Variants in SLC7A11 observed in about 807,000 individuals in gnomAD.
SLC7A11 encodes cystine/glutamate transporter.
SLC7A11 carries 35 observed loss-of-function variants against 54.5 expected under a neutral mutation model. The ratio of observed to expected loss-of-function variants is 0.64; its 90% CI spans 0.49 to 0.85. The LOEUF (loss-of-function observed/expected upper bound fraction) is 0.85, where lower values mean the gene tolerates loss of function less well. Among genes scored for constraint, SLC7A11 ranks in the 40% least tolerant of loss-of-function variants. The pLI, the probability that SLC7A11 is intolerant of heterozygous loss-of-function variation, is 0.00. For missense variants in SLC7A11, 583 were observed against 618.1 expected (o/e 0.94, Z 0.60); for synonymous variants, 230 against 225.2 (o/e 1.02, Z -0.19).
At chr4:138,236,285 T>C (rs1323135802) in intron 2 of SLC7A11, 40 bp downstream of exon 2, 3 of 1,548,270 alleles carry the variant, frequency 1.9e-6, no homozygotes, top group South Asian at 1.2e-5. Flanking sequence ...TAAGAATGAA[T>C]TGGTTTATTT....
intron 2 of SLC7A11, among the ~76,000 whole-genome samples, chr4:138,235,021 C>A (rs1401443197): frequency 6.6e-6 from 1 of 152,120 alleles, no homozygotes; most frequent in Non-Finnish European, 1.5e-5. Flanking sequence ...AAGATCTTAT[C>A]TTTGTATGCT....
intron 10 of SLC7A11, among the ~76,000 whole-genome samples, chr4:138,180,356 T>C (rs969165018): frequency 6.6e-6 from 1 of 152,144 alleles, no homozygotes; most frequent in African/African-American, 2.4e-5. Flanking sequence ...TATCAGGTCA[T>C]TGAACACATT....
chr4:138,210,549 C>T (rs1396068542), intron 6 of SLC7A11, among the ~76,000 whole-genome samples: 5 of 151,748 alleles, frequency 3.3e-5, no homozygotes, highest in Non-Finnish European at 7.4e-5. Flanking sequence ...ATTCAACAAG[C>T]AAAAACCAAA....
chr4:138,184,011 C>T (rs1202221761), intron 7 of SLC7A11, among the ~76,000 whole-genome samples: 4 of 152,094 alleles, frequency 2.6e-5, no homozygotes, highest in Admixed American at 2.0e-4. Context: ...ATGATATGTG[C>T]GATATTGCAA....
At chr4:138,212,054 CAT>C (rs1407757771) in intron 6 of SLC7A11, among the ~76,000 whole-genome samples, 6 of 151,906 alleles carry the variant, frequency 3.9e-5, no homozygotes, top group African/African-American at 1.2e-4. Flanking sequence ...AAAAAAGATA[CAT>C]GTTTGAGGTG....
intron 1 of SLC7A11, among the ~76,000 whole-genome samples, chr4:138,236,981 T>G (rs922358232): frequency 1.0e-4 from 10 of 100,242 alleles, no homozygotes; most frequent in Admixed American, 4.2e-4. Flanking sequence ...CTTGCAAGAT[T>G]TCTTTTTTTT....
chr4:138,241,474 C>T (rs796519399), intron 1 of SLC7A11, among the ~76,000 whole-genome samples: 14 of 152,136 alleles, frequency 9.2e-5, no homozygotes, highest in African/African-American at 3.1e-4. Flanking sequence ...TACAACTGCC[C>T]GGCACAGAAA....
At chr4:138,177,113 A>G (rs900752641) in intron 11 of SLC7A11, 4 of 152,150 alleles carry the variant, frequency 2.6e-5, no homozygotes, top group African/African-American at 7.2e-5. Flanking sequence ...ATGCTAATAA[A>G]AGGTATTAAT....
chr4:138,224,281 T>C (rs1737887250), intron 3 of SLC7A11, among the ~76,000 whole-genome samples: 1 of 152,130 alleles, frequency 6.6e-6, no homozygotes, highest in Admixed American at 6.5e-5. Context: ...AGACAGTGGT[T>C]TTCAACTTTA....
At position 138,170,228 on chromosome 4, in the gene SLC7A11, T is replaced by TAA. The variant is rs1272291697; in HGVS notation, c.*1726_*1727dup. 3 of 123,274 alleles carry TAA rather than the reference T, an allele frequency of 2.4e-5. No individual in the cohort carries two copies. Among genetic ancestry groups the TAA allele is most frequent in the Non-Finnish European group, 5.0e-5 (3 of 59,722 alleles). 7.6% of individuals were successfully genotyped at this position (123,274 alleles called of 1,614,324 possible). On this transcript the variant is annotated 3_prime_UTR_variant, in exon 12 of 12. Coordinates refer to ENST00000280612, the MANE Select transcript of SLC7A11 (RefSeq NM_014331.4). Reference sequence around the variant, plus strand: ...CACTATATATATATATATATATATATAAAAAGTGTGTGTGTGTGTGTGTAT... The same window carrying TAA: ...CACTATATATATATATATATATATATAAAAAAAGTGTGTGTGTGTGTGTGTAT...
chr4:138,172,122 T>C, intron 11 of SLC7A11, 105 bp from the exon 12 acceptor site: 2 of 1,155,066 alleles, frequency 1.7e-6, no homozygotes, highest in South Asian at 1.7e-5. Flanking sequence ...CACACAACTG[T>C]CTACTTCATA....
At chr4:138,194,350 T>C (rs954865236) in intron 6 of SLC7A11, among the ~76,000 whole-genome samples, 1 of 152,194 alleles carries the variant, frequency 6.6e-6, no homozygotes, top group Non-Finnish European at 1.5e-5. Flanking sequence ...TGATCTTTTA[T>C]CTTTCAGCTC....
At position 138,179,225 on chromosome 4, in the gene SLC7A11, A is replaced by T. The variant is rs1489163390; in HGVS notation, c.1436T>A (p.Ile479Lys). ...GTATTTAAAATTCTTACCCGACATT[A>T]TTCTAAACCACCTGGGTTTCTTGTC... The part of the protein sequence containing the change: ...IWDKKPRWFR[I>K]MSEKITRTLQ... The change falls in exon 11 of 12, where the codon ATA becomes AAA. Residue 479 changes from isoleucine (I) to lysine (K), a missense_variant. Transcript: ENST00000280612. 1.2e-6 allele frequency: 2 copies of T among 1,605,528 alleles called. No homozygotes were observed. Among genetic ancestry groups the T allele is most frequent in the Non-Finnish European group, 1.7e-6 (2 of 1,172,786 alleles).
At chr4:138,192,428 C>G (rs545700277) in intron 6 of SLC7A11, among the ~76,000 whole-genome samples, 10 of 152,216 alleles carry the variant, frequency 6.6e-5, no homozygotes, top group African/African-American at 2.4e-4. Flanking sequence ...AACGTGAAAG[C>G]CTACTGGTGG....
At chr4:138,240,758 G>C (rs1458096490) in intron 1 of SLC7A11, among the ~76,000 whole-genome samples, 1 of 152,092 alleles carries the variant, frequency 6.6e-6, no homozygotes, top group Non-Finnish European at 1.5e-5. Flanking sequence ...AAGACAAAGA[G>C]CAACTTTAAA....
At position 138,167,452 on chromosome 4, in the gene SLC7A11, T is replaced by A. The variant is rs1736298101; in HGVS notation, c.*4504A>T. ...CAGGCATGAGCCACCGTGCCGGACC[T>A]ATTTAAAAATCTTTTTGAAGTACAG... is the stretch of plus-strand genomic sequence containing the variant. On this transcript the variant is annotated 3_prime_UTR_variant, in exon 12 of 12. Transcript: ENST00000280612. 6.6e-6 allele frequency: 1 copy of A among 152,140 alleles called. No individual in the cohort carries two copies. Among genetic ancestry groups the A allele is most frequent in the Non-Finnish European group, 1.5e-5 (1 of 68,010 alleles). The allele number at this position is 152,140 out of a possible 1,614,324, so 9.4% of individuals were successfully genotyped here.
At chr4:138,173,812 T>C (rs1196325162) in intron 11 of SLC7A11, among the ~76,000 whole-genome samples, 1 of 152,030 alleles carries the variant, frequency 6.6e-6, no homozygotes, top group East Asian at 1.9e-4. Flanking sequence ...ACTCTTTACA[T>C]TGAGATGTAA....
intron 6 of SLC7A11, among the ~76,000 whole-genome samples, chr4:138,206,486 A>C (rs772433176): frequency 5.3e-5 from 8 of 151,592 alleles, no homozygotes; most frequent in Non-Finnish European, 1.2e-4. Flanking sequence ...ATTATGAAAG[A>C]AAGTAAAGCA....
rs958803149 is a variant in SLC7A11, at chr4:138,168,355, T to C, written c.*3601A>G. On this transcript the variant is annotated 3_prime_UTR_variant, in exon 12 of 12. Transcript: ENST00000280612. ...ATATTGTTACCTTCAGTCCATACTA[T>C]CTTTCATTTCCTGATTCTCTGGCCT... is the stretch of plus-strand genomic sequence containing the variant. The C allele has an allele frequency of 6.6e-6, 1 of 152,230 alleles. No homozygotes were observed. The highest frequency in any genetic ancestry group is 1.5e-5 in the Non-Finnish European group (1 of 68,042). 9.4% of individuals were successfully genotyped at this position (152,230 alleles called of 1,614,324 possible).
Sources: allele counts gnomAD v4.1 joint callset (sites outside exome capture counted in the v4.1 genomes callset), GRCh38; gene constraint gnomAD v4.1.1; transcripts MANE v1.5; gene names NCBI Gene and HGNC (gene_info 2026-07-23, HGNC 2026-07-21).